RIC3: variants seen among roughly 807,000 people sequenced by gnomAD.
RIC3 encodes the protein RIC3 acetylcholine receptor chaperone, also known as protein RIC-3.
In RIC3, 28 loss-of-function variants were observed where a neutral mutation model predicts 27.3. The ratio of observed to expected loss-of-function variants is 1.02; its 90% CI spans 0.76 to 1.41. The LOEUF is 1.41. RIC3 is among the 40% of genes most tolerant of loss of function. The probability of loss-of-function intolerance (pLI) is 0.00; values close to 1 mark genes in which losing one functional copy is unlikely to be tolerated. For synonymous variants in RIC3, 184 were observed against 160.4 expected, an observed-to-expected ratio of 1.15 and a Z score of -1.11; for missense variants, 501 against 444.7, an observed-to-expected ratio of 1.13 and a Z score of -1.14.
the RIC3 span, chr11:8,094,143 G>A: frequency 6.2e-7 from 1 of 1,614,094 alleles, no homozygotes; most frequent in African/African-American, 1.3e-5. Context: ...CTACAGCAGG[G>A]GGCCAGGGTG....
the RIC3 span, among the ~76,000 whole-genome samples, chr11:8,098,186 GAC>G: frequency 3.3e-5 from 5 of 151,896 alleles, no homozygotes; most frequent in Non-Finnish European, 5.9e-5. Context: ...TGAGGGAAGA[GAC>G]ACACAGCAAT....
At chr11:8,096,507 G>A in the RIC3 span, among the ~76,000 whole-genome samples, 969 of 152,308 alleles carry the variant, frequency 6.4e-3, 25 homozygotes, top group Admixed American at 0.053. Flanking sequence ...ATCTGGACAT[G>A]TGTGGGAATA....
intron 1 of RIC3, among the ~76,000 whole-genome samples, chr11:8,140,835 G>A (rs569059266): frequency 1.6e-4 from 25 of 151,858 alleles, no homozygotes; most frequent in South Asian, 2.1e-4. Context: ...CGGATCTCTC[G>A]GCAGAAACCC....
At chr11:8,095,706 T>C in the RIC3 span, 1 of 1,546,194 alleles carries the variant, frequency 6.5e-7, no homozygotes, top group Non-Finnish European at 8.7e-7. Context: ...CAAAACTCAG[T>C]CCCAGGTTCT....
Position 8,110,908 on chromosome 11 carries a change from T to C in RIC3, c.900A>G (p.Pro300=). The change falls in exon 6 of 6, where the codon CCA becomes CCG. Residue 300 remains proline, a synonymous_variant. Coordinates refer to ENST00000309737, the MANE Select transcript of RIC3 (RefSeq NM_001206671.4). ...DNSVTSCDPK[P]ETCSCCFHED... The stretch of plus-strand genomic sequence containing the variant: ...CATGAAAACAGCAGGAACATGTTTC[T>C]GGCTTTGGATCACACGAGGTAACAG... 6.2e-7 allele frequency: 1 copy of C among 1,614,240 alleles called. No homozygotes were observed. The highest frequency in any genetic ancestry group is 2.2e-5 in the East Asian group (1 of 44,894).
At chr11:8,095,806 A>C in the RIC3 span, 1 of 956,876 alleles carries the variant, frequency 1.0e-6, no homozygotes, top group East Asian at 2.7e-5. Context: ...CTTCGGAGAC[A>C]AATGAGAAAC....
chr11:8,095,265 AC>A, the RIC3 span, among the ~76,000 whole-genome samples: 1 of 152,092 alleles, frequency 6.6e-6, no homozygotes, highest in Non-Finnish European at 1.5e-5. Context: ...TTGTAAACCA[AC>A]CCTCGGCAAT....
chr11:8,094,572 C>G, the RIC3 span, among the ~76,000 whole-genome samples: 1 of 152,230 alleles, frequency 6.6e-6, no homozygotes, highest in African/African-American at 2.4e-5. Context: ...GCAGCTTGCC[C>G]CATCCTTATG....
the RIC3 span, chr11:8,095,631 C>T: frequency 1.3e-5 from 21 of 1,608,326 alleles, no homozygotes; most frequent in African/African-American, 5.3e-5. Flanking sequence ...AACGGCCCAG[C>T]GGGCAGGATC....
At position 8,125,734 on chromosome 11, in the gene RIC3, T is replaced by C. The variant is rs139771221; in HGVS notation, c.670+925A>G. On this transcript the variant is annotated intron_variant, in intron 5 of 5. Coordinates refer to ENST00000309737, the MANE Select transcript of RIC3 (RefSeq NM_001206671.4). Reference sequence around the variant, plus strand: ...AGGAAAGCAGGTTGACAGTTTCTAATAAAGTTAAACAGGTGGCCGGGCGCG... The same window carrying C: ...AGGAAAGCAGGTTGACAGTTTCTAACAAAGTTAAACAGGTGGCCGGGCGCG... Among the ~76,000 whole-genome samples, 19 of 152,264 alleles carry C rather than the reference T, an allele frequency of 1.2e-4. No homozygotes were observed. In the East Asian group the frequency reaches 3.5e-3, roughly 28 times the overall value.
chr11:8,128,154 C>T, intron 4 of RIC3: 1 of 456,800 alleles, frequency 2.2e-6, no homozygotes, highest in South Asian at 1.6e-5. Flanking sequence ...CACATAACCC[C>T]TATTTCTTAC....
At chr11:8,121,869 G>C (rs1251630617) in intron 5 of RIC3, among the ~76,000 whole-genome samples, 2 of 152,042 alleles carry the variant, frequency 1.3e-5, no homozygotes, top group African/African-American at 2.4e-5. Flanking sequence ...CTTAGAATTT[G>C]TGTTGCTTTT....
chr11:8,130,557 A>G (rs1947567116), intron 4 of RIC3, among the ~76,000 whole-genome samples: 1 of 152,134 alleles, frequency 6.6e-6, no homozygotes, highest in African/African-American at 2.4e-5. Flanking sequence ...ACCCTGATAA[A>G]GCCTGTGATT....
downstream of RIC3, chr11:8,104,303 C>G (rs1239839677): frequency 6.6e-6 from 1 of 152,104 alleles, no homozygotes; most frequent in Admixed American, 6.5e-5. Context: ...GGGGCCACAC[C>G]CCAAAACTCT....
At chr11:8,121,814 G>C (rs1428193920) in intron 5 of RIC3, among the ~76,000 whole-genome samples, 1 of 152,102 alleles carries the variant, frequency 6.6e-6, no homozygotes, top group African/African-American at 2.4e-5. Context: ...TCTCTGATCT[G>C]CAGAAGGTAA....
intron 5 of RIC3, among the ~76,000 whole-genome samples, chr11:8,124,551 G>T (rs915236902): frequency 8.5e-5 from 13 of 152,128 alleles, no homozygotes; most frequent in African/African-American, 3.1e-4. Flanking sequence ...AAATTTATCT[G>T]AAATTGTGAA....
At chr11:8,102,627 C>T (rs942246527), downstream of RIC3, 5 of 152,202 alleles carry the variant, frequency 3.3e-5, no homozygotes, top group African/African-American at 1.2e-4. Context: ...TGGAAAGACC[C>T]AACTTTCTCA....
chr11:8,093,923 G>A, the RIC3 span: 2 of 1,129,218 alleles, frequency 1.8e-6, no homozygotes, highest in African/African-American at 3.0e-5. Context: ...AAGTGGTACA[G>A]GGGCCCTGGT....
the RIC3 span, among the ~76,000 whole-genome samples, chr11:8,099,857 A>C: frequency 6.6e-6 from 1 of 152,216 alleles, no homozygotes; most frequent in Non-Finnish European, 1.5e-5. Flanking sequence ...AAAGTCCTGA[A>C]TGCCTGGCAT....
Sources: gnomAD v4.1 joint callset for allele counts (sites outside exome capture counted in the v4.1 genomes callset) on GRCh38, gnomAD v4.1.1 for gene constraint, MANE v1.5 for transcripts, NCBI Gene and HGNC (gene_info 2026-07-23, HGNC 2026-07-21) for gene names.